Variants in DIAPH2 observed in about 807,000 individuals in gnomAD.
DIAPH2 encodes the protein diaphanous related formin 2.
In DIAPH2, 35 loss-of-function variants were observed where a neutral mutation model predicts 92.7. The observed-to-expected ratio is 0.38, with a 90% CI of 0.29 to 0.50. The LOEUF (loss-of-function observed/expected upper bound fraction) is 0.50. Among genes scored for constraint, DIAPH2 ranks in the 20% least tolerant of loss-of-function variants. The pLI is 0.94. For synonymous variants in DIAPH2, 301 were observed against 280.4 expected (o/e 1.07, Z -0.73); for missense variants, 701 against 819.5 (o/e 0.86, Z 1.77).
chrX:96,810,258 C>G (rs62597678), intron 4 of DIAPH2, among the ~76,000 whole-genome samples: 5,171 of 112,220 alleles, frequency 0.046, 118 homozygotes, highest in Non-Finnish European at 0.074. Flanking sequence ...TTGCATTTCT[C>G]TGATGACCAG....
intron 1 of DIAPH2, among the ~76,000 whole-genome samples, chrX:96,707,202 T>C (rs1398711532): frequency 9.1e-6 from 1 of 109,669 alleles, no homozygotes; most frequent in East Asian, 3.0e-4. Context: ...AGAGTCTCGC[T>C]CAGTTGCCCA....
chrX:97,105,314 A>G (rs1253215029), intron 20 of DIAPH2, among the ~76,000 whole-genome samples: 1 of 110,908 alleles, frequency 9.0e-6, no homozygotes, highest in Non-Finnish European at 1.9e-5. Context: ...AAAAAAGAGA[A>G]AAAAAAAGAA....
At position 96,721,328 on chromosome X, in the gene DIAPH2, T is replaced by C. The variant is rs142544423; in HGVS notation, c.133-14430T>C. On this transcript the variant is annotated intron_variant, in intron 1 of 26. Transcript: ENST00000324765. ...TTCACTTTGCAGAGATCATTAACATTTATTTCATGTCATTGTCCTTCTATA... is the reference window on the plus strand; with the variant it reads ...TTCACTTTGCAGAGATCATTAACATCTATTTCATGTCATTGTCCTTCTATA... Among the ~76,000 whole-genome samples the C allele has an allele frequency of 2.0e-3, 228 of 112,256 alleles. 1 individual carries two copies. The highest frequency in any genetic ancestry group is 6.9e-3 in the African/African-American group (214 of 30,935).
chrX:96,962,494 C>CAT (rs1325347455), intron 16 of DIAPH2, among the ~76,000 whole-genome samples: 5 of 18,423 alleles, frequency 2.7e-4, no homozygotes, highest in Admixed American at 1.6e-3. Context: ...CACACACACA[C>CAT]ACATATATAT....
chrX:97,037,085 C>G (rs886967094), intron 17 of DIAPH2, among the ~76,000 whole-genome samples: 1 of 111,048 alleles, frequency 9.0e-6, no homozygotes, highest in African/African-American at 3.3e-5. Flanking sequence ...AGTGGTAGAT[C>G]CAGTATTCAA....
intron 22 of DIAPH2, among the ~76,000 whole-genome samples, chrX:97,218,741 T>C (rs1307092525): frequency 8.9e-6 from 1 of 112,053 alleles, no homozygotes; most frequent in East Asian, 2.8e-4. Flanking sequence ...AATCTAAGCA[T>C]ATCCTCCTGT....
chrX:97,505,433 G>A (rs2070825581), intron 26 of DIAPH2, among the ~76,000 whole-genome samples: 1 of 112,175 alleles, frequency 8.9e-6, no homozygotes, highest in Non-Finnish European at 1.9e-5. Flanking sequence ...ATCTTAGATT[G>A]TGCAGATTAG....
chrX:97,083,283 A>G (rs1251137018), intron 19 of DIAPH2, among the ~76,000 whole-genome samples: 1 of 112,411 alleles, frequency 8.9e-6, no homozygotes, highest in East Asian at 2.8e-4. Flanking sequence ...TCTCTTTAAA[A>G]TATTTTAGGA....
intron 4 of DIAPH2, among the ~76,000 whole-genome samples, chrX:96,763,680 C>T (rs2064283276): frequency 9.0e-6 from 1 of 111,505 alleles, no homozygotes; most frequent in Non-Finnish European, 1.9e-5. Flanking sequence ...CTGAAATTAT[C>T]TTTTAAGGTT....
At chrX:96,853,830 A>C (rs1428752603) in intron 4 of DIAPH2, among the ~76,000 whole-genome samples, 1 of 111,899 alleles carries the variant, frequency 8.9e-6, no homozygotes, top group Non-Finnish European at 1.9e-5. Flanking sequence ...ATTTTTTGAA[A>C]GCTGCTTTAT....
chrX:97,318,017 G>A (rs58877671), intron 23 of DIAPH2, among the ~76,000 whole-genome samples: 76 of 111,502 alleles, frequency 6.8e-4, no homozygotes, highest in African/African-American at 2.4e-3. Context: ...TTACCCTACT[G>A]TGCAATAGAA....
chrX:96,913,067 A>T (rs948520269), intron 7 of DIAPH2, among the ~76,000 whole-genome samples: 1 of 110,516 alleles, frequency 9.0e-6, no homozygotes, highest in African/African-American at 3.3e-5. Flanking sequence ...TAAATCTTTT[A>T]AAAAATGGAG....
chrX:96,712,601 A>G (rs1033943870), intron 1 of DIAPH2, among the ~76,000 whole-genome samples: 3 of 111,220 alleles, frequency 2.7e-5, no homozygotes, highest in African/African-American at 9.8e-5. Context: ...CCTGCCTGCT[A>G]TGATAGAAGA....
chrX:97,575,563 T>G (rs2071395289), intron 26 of DIAPH2, among the ~76,000 whole-genome samples: 1 of 112,116 alleles, frequency 8.9e-6, no homozygotes, highest in African/African-American at 3.2e-5. Context: ...GGGGACACAA[T>G]TTAACTTATA....
At chrX:97,201,289 C>G (rs1245726274) in intron 22 of DIAPH2, among the ~76,000 whole-genome samples, 1 of 108,810 alleles carries the variant, frequency 9.2e-6, no homozygotes, top group Non-Finnish European at 1.9e-5. Context: ...CCTCTCCAGC[C>G]AGGGCACAAA....
intron 23 of DIAPH2, among the ~76,000 whole-genome samples, chrX:97,263,114 C>T (rs759222064): frequency 8.9e-6 from 1 of 112,356 alleles, no homozygotes; most frequent in East Asian, 2.8e-4. Context: ...AATGTAGACT[C>T]ATATCATGCA....
chrX:97,218,872 A>T (rs1441166774), intron 22 of DIAPH2, among the ~76,000 whole-genome samples: 2 of 111,729 alleles, frequency 1.8e-5, no homozygotes, highest in African/African-American at 6.5e-5. Context: ...ATTTTTATTG[A>T]TTTTCAAAAA....
At chrX:97,000,767 C>A (rs2066138477) in intron 17 of DIAPH2, among the ~76,000 whole-genome samples, 1 of 111,814 alleles carries the variant, frequency 8.9e-6, no homozygotes, top group Non-Finnish European at 1.9e-5. Context: ...CCATTGTTAT[C>A]CATCAGTTCA....
chrX:97,337,101 C>CCTATGCCT (rs1364368723), intron 23 of DIAPH2, among the ~76,000 whole-genome samples: 1 of 108,998 alleles, frequency 9.2e-6, no homozygotes, highest in East Asian at 2.8e-4. Flanking sequence ...ATTTAAATGT[C>CCTATGCCT]CTATGCCTCG....
Sources: gnomAD v4.1 joint callset for allele counts (sites outside exome capture counted in the v4.1 genomes callset) on GRCh38, gnomAD v4.1.1 for gene constraint, MANE v1.5 for transcripts, NCBI Gene and HGNC (gene_info 2026-07-23, HGNC 2026-07-21) for gene names.